The following GAS7 variants were observed in gnomAD, a reference collection of about 807,000 sequenced individuals.
GAS7 encodes the protein growth arrest-specific protein 7.
A neutral mutation model predicts 71.1 loss-of-function variants in GAS7; 28 were observed. The ratio of observed to expected loss-of-function variants is 0.39; its 90% CI spans 0.29 to 0.54. The LOEUF is 0.54. GAS7 is among the 20% of genes least tolerant of loss of function. GAS7 has a pLI of 0.62. For missense variants in GAS7, 436 were observed against 627.8 expected, an observed-to-expected ratio of 0.69 and a Z score of 3.27; for synonymous variants, 258 against 245.8, an observed-to-expected ratio of 1.05 and a Z score of -0.46.
At chr17:10,054,307 C>T (rs1056506025) in intron 1 of GAS7, among the ~76,000 whole-genome samples, 33 of 152,128 alleles carry the variant, frequency 2.2e-4, no homozygotes, top group Non-Finnish European at 3.7e-4. Flanking sequence ...TTGGCCTTAG[C>T]GCTGGTAACA....
At chr17:10,105,422 C>T (rs979716379) in intron 1 of GAS7, among the ~76,000 whole-genome samples, 2 of 152,170 alleles carry the variant, frequency 1.3e-5, no homozygotes, top group Admixed American at 6.5e-5. Flanking sequence ...AAGTGCTCAG[C>T]GGTCCCATGT....
At chr17:10,063,742 C>T (rs1403885317) in intron 1 of GAS7, among the ~76,000 whole-genome samples, 6 of 152,214 alleles carry the variant, frequency 3.9e-5, no homozygotes, top group Non-Finnish European at 7.3e-5. Context: ...TCCACTCTAA[C>T]CTGTTCACCA....
In GAS7 at chr17:10,170,670, C is replaced by G. The variant is rs142620992; in HGVS notation, c.183+27538G>C. 2.9e-3 allele frequency among the ~76,000 whole-genome samples: 441 copies of G among 152,310 alleles called. 3 individuals are homozygous for G. Among genetic ancestry groups the G allele is most frequent in the African/African-American group, 1.0e-2 (414 of 41,574 alleles). The stretch of plus-strand genomic sequence containing the variant: ...AACTAAAATGTAAACTCTATAAAGT[C>G]AGGATGTCTGTGGTTTTACTACTAC... On this transcript the variant is annotated intron_variant, in intron 1 of 13. Transcript: ENST00000432992.
rs1272901745 is a variant in GAS7, at chr17:10,073,579, C to A, written c.184-53682G>T. ...AGAAATGCAGCATCTGCGCCCCGCTCCCCTCAAGACCTCCTACATCAGACT... is the reference window on the plus strand; with the variant it reads ...AGAAATGCAGCATCTGCGCCCCGCTACCCTCAAGACCTCCTACATCAGACT... On this transcript the variant is annotated intron_variant, in intron 1 of 13. Coordinates refer to ENST00000432992, the MANE Select transcript of GAS7 (RefSeq NM_201433.2). Among the ~76,000 whole-genome samples, 5 of 152,178 alleles carry A rather than the reference C, an allele frequency of 3.3e-5. No homozygotes were observed. The East Asian group carries it at 9.6e-4, about 29-fold the overall frequency.
At position 9,969,465 on chromosome 17, in the gene GAS7, C is replaced by T. The variant is rs1238537430; in HGVS notation, c.471+212G>A. On this transcript the variant is annotated intron_variant, in intron 4 of 13. Coordinates refer to ENST00000432992, the MANE Select transcript of GAS7 (RefSeq NM_201433.2). This position sits in a 1 kb window ranked among gnomAD's most constrained non-coding sequence, Gnocchi z 5.5. The stretch of plus-strand genomic sequence containing the variant: ...CATCACCGTCAACCCCTCCTCCAAA[C>T]CACCCTCGACTTCTAGAAAACCAAC... Among the ~76,000 whole-genome samples, 2 of 152,174 alleles carry T rather than the reference C, an allele frequency of 1.3e-5. No individual in the cohort carries two copies. Among genetic ancestry groups the T allele is most frequent in the Non-Finnish European group, 2.9e-5 (2 of 68,026 alleles).
Position 10,118,186 on chromosome 17 carries a change from T to C in GAS7, c.183+80022A>G, listed in dbSNP as rs200386690. ...AGTCACTCGTTGCAAGACAAGATGA[T>C]AGAGATGGAGTAAACAGGGATATCG... On this transcript the variant is annotated intron_variant, in intron 1 of 13. Coordinates refer to ENST00000432992, the MANE Select transcript of GAS7 (RefSeq NM_201433.2). 2.0e-4 allele frequency among the ~76,000 whole-genome samples: 27 copies of C among 134,584 alleles called. No individual in the cohort carries two copies. The East Asian group carries it at 5.4e-3, about 27-fold the overall frequency. The allele number at this position is 134,584 out of a possible 152,430, so 88.3% of individuals were successfully genotyped here. A position where few individuals can be genotyped will look rare whatever the true frequency, so the allele number is the denominator to read the frequency against.
chr17:10,019,987 A>C, intron 1 of GAS7, 90 bp from the exon 2 acceptor site: 1 of 1,260,792 alleles, frequency 7.9e-7, no homozygotes. Context: ...AATTCACCCT[A>C]CAGTAGCGTG....
intron 2 of GAS7, among the ~76,000 whole-genome samples, chr17:10,015,560 T>C (rs59696502): frequency 0.17 from 25,166 of 152,036 alleles, 2,923 homozygotes; most frequent in African/African-American, 0.34. Context: ...AAAACATGAG[T>C]GGCTATTCTC....
At chr17:10,058,409 G>A (rs1169406694) in intron 1 of GAS7, among the ~76,000 whole-genome samples, 5 of 150,624 alleles carry the variant, frequency 3.3e-5, no homozygotes, top group African/African-American at 9.8e-5. Flanking sequence ...CCGAAATCAC[G>A]CCACTGCACT....
chr17:10,078,084 GT>G (rs1567582698), intron 1 of GAS7, among the ~76,000 whole-genome samples: 130 of 139,132 alleles, frequency 9.3e-4, no homozygotes, highest in African/African-American at 2.4e-3. Flanking sequence ...TGTGTGTTTT[GT>G]TTTGTTTTGT....
intron 9 of GAS7, among the ~76,000 whole-genome samples, chr17:9,928,910 T>A (rs1320984229): frequency 6.6e-6 from 1 of 152,230 alleles, no homozygotes; most frequent in Non-Finnish European, 1.5e-5. Flanking sequence ...GCTTTGTCGC[T>A]GGATGACCGT....
At chr17:10,185,068 G>A (rs895854967) in intron 1 of GAS7, among the ~76,000 whole-genome samples, 1 of 151,872 alleles carries the variant, frequency 6.6e-6, no homozygotes, top group Non-Finnish European at 1.5e-5. Context: ...CTGAGACTAC[G>A]GCGCGTGCCA....
At chr17:9,954,408 A>C (rs555845362) in intron 5 of GAS7, among the ~76,000 whole-genome samples, 3 of 151,994 alleles carry the variant, frequency 2.0e-5, no homozygotes, top group African/African-American at 7.3e-5. Context: ...CCACTACAGC[A>C]TAGAGGATGC....
chr17:10,093,301 G>T (rs1375972897), intron 1 of GAS7, among the ~76,000 whole-genome samples: 1 of 152,170 alleles, frequency 6.6e-6, no homozygotes, highest in East Asian at 1.9e-4. Flanking sequence ...AAAGCAGCTG[G>T]GCATGGTGGC....
At chr17:10,169,101 C>G (rs1567618354) in intron 1 of GAS7, among the ~76,000 whole-genome samples, 1 of 150,578 alleles carries the variant, frequency 6.6e-6, no homozygotes. Flanking sequence ...ATGGTGAAAC[C>G]CTGTCTCTAC....
chr17:10,025,909 A>G (rs1165292072), intron 1 of GAS7, among the ~76,000 whole-genome samples: 1 of 152,254 alleles, frequency 6.6e-6, no homozygotes, highest in Non-Finnish European at 1.5e-5. Flanking sequence ...GTAAAAAGAC[A>G]GTGTTGGGCT....
intron 1 of GAS7, among the ~76,000 whole-genome samples, chr17:10,066,007 T>A (rs1385646294): frequency 6.6e-6 from 1 of 152,172 alleles, no homozygotes. Context: ...TAGGGGGCTG[T>A]ATGCTTGGGG....
chr17:10,175,590 A>G (rs2074368563), intron 1 of GAS7, among the ~76,000 whole-genome samples: 1 of 117,162 alleles, frequency 8.5e-6, no homozygotes, highest in South Asian at 3.0e-4. Context: ...TAATGACCGC[A>G]TTTTATTTAG....
intron 4 of GAS7, among the ~76,000 whole-genome samples, chr17:9,962,133 A>G (rs1384982732): frequency 6.6e-6 from 1 of 152,142 alleles, no homozygotes; most frequent in East Asian, 1.9e-4. Flanking sequence ...GTTTTACTTC[A>G]ACCACTGAGG....
Sources: gnomAD v4.1 joint callset for allele counts (sites outside exome capture counted in the v4.1 genomes callset) on GRCh38, gnomAD v4.1.1 for gene constraint, Gnocchi (gnomAD v3.1) non-coding constraint, MANE v1.5 for transcripts, NCBI Gene and HGNC (gene_info 2026-07-23, HGNC 2026-07-21) for gene names.